SGCZ: variants seen among roughly 807,000 people sequenced by gnomAD.
The protein encoded by SGCZ is sarcoglycan zeta.
SGCZ carries 40 observed loss-of-function variants against 41.3 expected under a neutral mutation model. That is an observed-to-expected ratio of 0.97 (90% CI 0.75 to 1.26). The LOEUF is 1.26. Among genes scored for constraint, SGCZ ranks in the 50% most tolerant of loss-of-function variants. The pLI is 0.00. For missense variants in SGCZ, 552 were observed against 369.8 expected, an observed-to-expected ratio of 1.49 and a Z score of -4.04; for synonymous variants, 206 against 137.5, an observed-to-expected ratio of 1.50 and a Z score of -3.49.
At chr8:14,580,103 G>A (rs568107626) in intron 1 of SGCZ, among the ~76,000 whole-genome samples, 18 of 152,222 alleles carry the variant, frequency 1.2e-4, no homozygotes, top group South Asian at 4.2e-4. Flanking sequence ...GAAAGGTCCC[G>A]GAGAAAGACA....
intron 1 of SGCZ, among the ~76,000 whole-genome samples, chr8:14,745,251 C>T (rs1173034909): frequency 6.6e-6 from 1 of 151,866 alleles, no homozygotes; most frequent in African/African-American, 2.4e-5. Flanking sequence ...TGTTAGTTGC[C>T]ACCCCCATCT....
rs1186235713 is a variant in SGCZ at position 14,092,510 on chromosome 8, C to G, written c.745-1873G>C. On this transcript the variant is annotated intron_variant, in intron 7 of 7. Coordinates refer to ENST00000382080, the MANE Select transcript of SGCZ (RefSeq NM_139167.4). ...GATATGGTTTGGCTGTGTCCCCACCCAAACCTCATCTTGAATTGTAACCCC... is the reference window on the plus strand; with the variant it reads ...GATATGGTTTGGCTGTGTCCCCACCGAAACCTCATCTTGAATTGTAACCCC... 2.0e-5 allele frequency among the ~76,000 whole-genome samples: 3 copies of G among 151,938 alleles called. No homozygotes were observed. The East Asian group carries it at 5.8e-4, about 30-fold the overall frequency.
chr8:14,943,801 G>C (rs920084391), intron 1 of SGCZ, among the ~76,000 whole-genome samples: 3 of 151,988 alleles, frequency 2.0e-5, no homozygotes, highest in South Asian at 4.1e-4. Context: ...TCATGGTTTA[G>C]CTCCCACTTA....
chr8:14,823,806 G>A (rs765681588), intron 1 of SGCZ, among the ~76,000 whole-genome samples: 3 of 152,120 alleles, frequency 2.0e-5, no homozygotes, highest in Non-Finnish European at 4.4e-5. Flanking sequence ...GCTCACCATA[G>A]ACAAGACGGA....
chr8:14,172,898 A>C (rs779403411), intron 4 of SGCZ, among the ~76,000 whole-genome samples: 5 of 152,126 alleles, frequency 3.3e-5, no homozygotes, highest in Non-Finnish European at 7.4e-5. Context: ...ATGATACCAT[A>C]TGATAATTAT....
intron 1 of SGCZ, among the ~76,000 whole-genome samples, chr8:14,924,459 G>C (rs1799684361): frequency 6.6e-6 from 1 of 151,916 alleles, no homozygotes; most frequent in African/African-American, 2.4e-5. Context: ...TTTGTTAAAA[G>C]CAAAATCCAT....
At chr8:14,432,053 G>C (rs1045002500) in intron 2 of SGCZ, among the ~76,000 whole-genome samples, 1 of 152,162 alleles carries the variant, frequency 6.6e-6, no homozygotes, top group Admixed American at 6.6e-5. Context: ...TGGATGTGGT[G>C]AACAGGGAAC....
chr8:14,164,501 A>G (rs1341224784), intron 5 of SGCZ, 79 bp downstream of exon 5: 4 of 1,547,934 alleles, frequency 2.6e-6, no homozygotes, highest in Non-Finnish European at 3.5e-6. Flanking sequence ...GGAATCATCC[A>G]TCTTATTAAG....
chr8:14,933,493 A>G (rs1324433101), intron 1 of SGCZ, among the ~76,000 whole-genome samples: 1 of 138,268 alleles, frequency 7.2e-6, no homozygotes, highest in African/African-American at 2.8e-5. Context: ...GTGCAGTCGC[A>G]CCATCTCTGC....
chr8:15,099,598 T>C (rs1481100574), intron 1 of SGCZ, among the ~76,000 whole-genome samples: 1 of 152,152 alleles, frequency 6.6e-6, no homozygotes, highest in Non-Finnish European at 1.5e-5. Flanking sequence ...GAAACACTTC[T>C]CATAACTAAG....
chr8:14,481,078 A>G (rs924618022), intron 2 of SGCZ, among the ~76,000 whole-genome samples: 1 of 152,194 alleles, frequency 6.6e-6, no homozygotes, highest in African/African-American at 2.4e-5. Context: ...ACATATAAAC[A>G]GCAAAGTGTT....
chr8:14,112,597 A>C (rs1455493571), intron 5 of SGCZ, among the ~76,000 whole-genome samples: 1 of 152,090 alleles, frequency 6.6e-6, no homozygotes, highest in Admixed American at 6.6e-5. Flanking sequence ...GTTTCCCCCA[A>C]ATCTAAATTG....
At chr8:14,271,799 G>T (rs1003162334) in intron 3 of SGCZ, among the ~76,000 whole-genome samples, 2 of 152,046 alleles carry the variant, frequency 1.3e-5, no homozygotes, top group Non-Finnish European at 2.9e-5. Flanking sequence ...CTACTGTAAG[G>T]CATTTTTGCT....
At chr8:14,926,996 T>A (rs1799775259) in intron 1 of SGCZ, among the ~76,000 whole-genome samples, 1 of 151,904 alleles carries the variant, frequency 6.6e-6, no homozygotes, top group Admixed American at 6.6e-5. Flanking sequence ...ATTTCCAGAA[T>A]ATCACATTCC....
intron 2 of SGCZ, among the ~76,000 whole-genome samples, chr8:14,449,914 A>G (rs1440953902): frequency 1.3e-5 from 2 of 152,216 alleles, no homozygotes; most frequent in Non-Finnish European, 2.9e-5. Context: ...AGTGAACAAC[A>G]TCATGTACAA....
intron 1 of SGCZ, among the ~76,000 whole-genome samples, chr8:15,075,422 G>A (rs1361804112): frequency 6.6e-6 from 1 of 152,108 alleles, no homozygotes; most frequent in African/African-American, 2.4e-5. Context: ...CTTTAAGAAG[G>A]AAATGAGCAT....
At chr8:14,503,573 C>A (rs1162656667) in intron 2 of SGCZ, among the ~76,000 whole-genome samples, 1 of 151,914 alleles carries the variant, frequency 6.6e-6, no homozygotes, top group Non-Finnish European at 1.5e-5. Context: ...ATCGAGACTA[C>A]CCTGGCCAAC....
intron 1 of SGCZ, among the ~76,000 whole-genome samples, chr8:14,994,694 C>T (rs1039833551): frequency 6.6e-6 from 1 of 151,870 alleles, no homozygotes; most frequent in African/African-American, 2.4e-5. Flanking sequence ...TTCACAGCAC[C>T]TAGAATACTG....
intron 3 of SGCZ, among the ~76,000 whole-genome samples, chr8:14,322,367 G>C (rs1801951149): frequency 6.6e-6 from 1 of 152,042 alleles, no homozygotes; most frequent in African/African-American, 2.4e-5. Context: ...AAATGCTTGT[G>C]AACATGGAGT....
Sources: allele counts gnomAD v4.1 joint callset (sites outside exome capture counted in the v4.1 genomes callset), GRCh38; gene constraint gnomAD v4.1.1; transcripts MANE v1.5; gene names NCBI Gene and HGNC (gene_info 2026-07-23, HGNC 2026-07-21).